Variants in RPTOR observed in about 807,000 individuals in gnomAD.
The protein encoded by RPTOR is regulatory-associated protein of mTOR.
In RPTOR, 21 loss-of-function variants were observed where a neutral mutation model predicts 169.9. The ratio of observed to expected loss-of-function variants is 0.12; its 90% CI spans 0.09 to 0.18. The LOEUF is 0.18. RPTOR is among the 10% of genes least tolerant of loss of function. The probability of loss-of-function intolerance (pLI) is 1.00; values close to 1 mark genes in which losing one functional copy is unlikely to be tolerated. For synonymous variants in RPTOR, 732 were observed against 753.2 expected (o/e 0.97, Z 0.46); for missense variants, 1,133 against 1,855.9 (o/e 0.61, Z 7.16).
At chr17:80,951,954 A>G (rs1458233647) in intron 28 of RPTOR, among the ~76,000 whole-genome samples, 3 of 152,214 alleles carry the variant, frequency 2.0e-5, no homozygotes, top group Admixed American at 2.0e-4. Context: ...CCTTACAAGA[A>G]GAGGCCACCA....
chr17:80,602,317 G>A (rs1382557547), intron 1 of RPTOR, among the ~76,000 whole-genome samples: 1 of 70,056 alleles, frequency 1.4e-5, no homozygotes, highest in African/African-American at 7.7e-5. Context: ...CAGTAGGGGC[G>A]GCCGGGCAGA....
intron 11 of RPTOR, among the ~76,000 whole-genome samples, chr17:80,846,908 T>G (rs2067737819): frequency 6.6e-6 from 1 of 152,236 alleles, no homozygotes; most frequent in Admixed American, 6.5e-5. Flanking sequence ...TGGCTACCAT[T>G]TCCACTTTAG....
intron 3 of RPTOR, among the ~76,000 whole-genome samples, chr17:80,677,260 T>C (rs1254768117): frequency 6.6e-6 from 1 of 152,228 alleles, no homozygotes; most frequent in South Asian, 2.1e-4. Context: ...TTCTATGCTC[T>C]TCAGCTGTCA....
chr17:80,554,741 C>CACAAA (rs2084385874), intron 1 of RPTOR, among the ~76,000 whole-genome samples: 1 of 84,556 alleles, frequency 1.2e-5, no homozygotes, highest in South Asian at 5.2e-4. Flanking sequence ...GAGACTCTGT[C>CACAAA]TCAAAACAAA....
rs566325867 is a variant in RPTOR, at chr17:80,798,600, C to T, written c.890+7091C>T. 5.9e-5 allele frequency among the ~76,000 whole-genome samples: 9 copies of T among 152,196 alleles called. 1 individual carries two copies. The South Asian group carries it at 1.9e-3, about 32-fold the overall frequency. ...GGATGGCGCTCCTCCAACACCACTC[C>T]TCCCATCGCATGTGGGAGCAGGAGG... is the stretch of plus-strand genomic sequence containing the variant. On this transcript the variant is annotated intron_variant, in intron 7 of 33. Transcript: ENST00000306801.
chr17:80,761,500 C>G (rs56055060), intron 6 of RPTOR, among the ~76,000 whole-genome samples: 3 of 152,096 alleles, frequency 2.0e-5, no homozygotes, highest in Middle Eastern at 3.2e-3. Context: ...GGTTTCCTGG[C>G]GCGCAGGTTG....
intron 21 of RPTOR, among the ~76,000 whole-genome samples, chr17:80,917,607 C>T (rs958510580): frequency 3.3e-5 from 5 of 152,232 alleles, no homozygotes; most frequent in African/African-American, 9.6e-5. Flanking sequence ...TTCTGCACTG[C>T]TAAAACTGTC....
intron 11 of RPTOR, among the ~76,000 whole-genome samples, chr17:80,853,952 G>A (rs1276424471): frequency 1.3e-5 from 2 of 151,754 alleles, no homozygotes; most frequent in African/African-American, 4.9e-5. Flanking sequence ...CTGCACTCCA[G>A]CCTGGGCGAC....
intron 21 of RPTOR, among the ~76,000 whole-genome samples, chr17:80,912,669 G>T (rs960269990): frequency 2.6e-5 from 4 of 152,144 alleles, no homozygotes; most frequent in African/African-American, 9.7e-5. Flanking sequence ...CTTTTGGATT[G>T]TGTGTGACAT....
rs2065702850 is a variant in RPTOR at position 80,659,256 on chromosome 17, G to C, written c.348+15446G>C. On this transcript the variant is annotated intron_variant, in intron 3 of 33. Transcript: ENST00000306801. The surrounding 1 kb of genome is among the most constrained non-coding windows in gnomAD (Gnocchi z 4.3). ...TGAAATGTAGGCTCCATGGCTCCGA[G>C]GGGGAAGTGGGCTCAGAAGAGTGGG... Among the ~76,000 whole-genome samples the C allele has an allele frequency of 6.6e-6, 1 of 152,190 alleles. No individual in the cohort carries two copies.
At chr17:80,961,262 G>A (rs775406370) in intron 30 of RPTOR, 132 bp from the exon 31 acceptor site, 29 of 765,200 alleles carry the variant, frequency 3.8e-5, no homozygotes, top group Non-Finnish European at 4.1e-5. Flanking sequence ...CTAGCCCCTC[G>A]TGGGGAGCGG....
At chr17:80,825,306 C>A (rs1377201674) in intron 9 of RPTOR, among the ~76,000 whole-genome samples, 2 of 151,868 alleles carry the variant, frequency 1.3e-5, no homozygotes, top group Non-Finnish European at 2.9e-5. Flanking sequence ...GGCCGCGTGG[C>A]GAGTTCGGCA....
intron 11 of RPTOR, among the ~76,000 whole-genome samples, chr17:80,853,749 C>T (rs1344363616): frequency 6.6e-6 from 1 of 152,164 alleles, no homozygotes; most frequent in African/African-American, 2.4e-5. Context: ...GAGGCCAAGG[C>T]GGGTGGATCA....
chr17:80,885,198 G>C (rs772629743), intron 17 of RPTOR, 50 bp downstream of exon 17: 2 of 1,538,162 alleles, frequency 1.3e-6, no homozygotes, highest in Non-Finnish European at 1.8e-6. Flanking sequence ...GCTGGACCCC[G>C]TGACACCTGG....
At chr17:80,753,164 G>A (rs1042491093) in intron 5 of RPTOR, among the ~76,000 whole-genome samples, 70 of 152,282 alleles carry the variant, frequency 4.6e-4, no homozygotes, top group Admixed American at 2.1e-3. Flanking sequence ...TCCCCCACTC[G>A]GGGATGAGTG....
intron 1 of RPTOR, among the ~76,000 whole-genome samples, chr17:80,624,604 G>A (rs1349480502): frequency 6.6e-6 from 1 of 152,226 alleles, no homozygotes; most frequent in Non-Finnish European, 1.5e-5. Context: ...TTTTGTCTCT[G>A]TGAGAATTAA....
intron 6 of RPTOR, among the ~76,000 whole-genome samples, chr17:80,761,453 C>T (rs891512997): frequency 2.0e-5 from 3 of 152,180 alleles, no homozygotes; most frequent in African/African-American, 4.8e-5. Context: ...TGGAAAGTTT[C>T]GCTCCTGCAT....
At chr17:80,774,077 T>G in intron 6 of RPTOR, 1 of 985,460 alleles carries the variant, frequency 1.0e-6, no homozygotes, top group Non-Finnish European at 1.2e-6. Context: ...CACTGATCAT[T>G]GTGTTCACTA....
chr17:80,772,529 C>A (rs1326752822), intron 6 of RPTOR, among the ~76,000 whole-genome samples: 4 of 143,708 alleles, frequency 2.8e-5, no homozygotes, highest in Non-Finnish European at 6.1e-5. Context: ...CCCCTCCCCC[C>A]CACATGCCTG....
Sources: gnomAD v4.1 joint callset for allele counts (sites outside exome capture counted in the v4.1 genomes callset) on GRCh38, gnomAD v4.1.1 for gene constraint, Gnocchi (gnomAD v3.1) non-coding constraint, MANE v1.5 for transcripts, NCBI Gene and HGNC (gene_info 2026-07-23, HGNC 2026-07-21) for gene names.